The following LAMP1 variants were observed in gnomAD, a reference collection of about 807,000 sequenced individuals.
LAMP1 encodes the protein lysosome-associated membrane glycoprotein 1.
A neutral mutation model predicts 37.5 loss-of-function variants in LAMP1; 7 were observed. The ratio of observed to expected loss-of-function variants is 0.19; its 90% CI spans 0.11 to 0.35. The LOEUF (loss-of-function observed/expected upper bound fraction) is 0.35, where lower values mean the gene tolerates loss of function less well. Among genes scored for constraint, LAMP1 ranks in the 10% least tolerant of loss-of-function variants. LAMP1 has a pLI of 1.00. For missense variants in LAMP1, 537 were observed against 552.8 expected (o/e 0.97, Z 0.29); for synonymous variants, 236 against 229.1 (o/e 1.03, Z -0.27).
intron 1 of LAMP1, among the ~76,000 whole-genome samples, chr13:113,299,693 C>T (rs569167164): frequency 1.3e-5 from 2 of 151,902 alleles, no homozygotes; most frequent in Admixed American, 6.6e-5. Flanking sequence ...CTCAGCCTCC[C>T]TAGTAGCTGG....
chr13:113,298,414 G>A (rs1190301189), intron 1 of LAMP1, among the ~76,000 whole-genome samples: 1 of 83,504 alleles, frequency 1.2e-5, no homozygotes, highest in Non-Finnish European at 2.5e-5. Flanking sequence ...TCCTCCCCCC[G>A]CCGCCCTCCC....
At chr13:113,308,222 G>C (rs1196776915) in intron 2 of LAMP1, among the ~76,000 whole-genome samples, 1 of 151,604 alleles carries the variant, frequency 6.6e-6, no homozygotes, top group African/African-American at 2.4e-5. Context: ...TGCTATGTTG[G>C]CCAGGCTGGT....
At position 113,303,264 on chromosome 13, in the gene LAMP1, G is replaced by A. The variant is rs573809813; in HGVS notation, c.62-3221G>A. Among the ~76,000 whole-genome samples the A allele has an allele frequency of 1.6e-4, 24 of 152,326 alleles. 1 individual carries two copies. The South Asian group carries it at 4.8e-3, about 30-fold the overall frequency. On this transcript the variant is annotated intron_variant, in intron 1 of 8. Coordinates refer to ENST00000332556, the MANE Select transcript of LAMP1 (RefSeq NM_005561.4). ...AAGAACTGAGGGCTGTGACTCAGAA[G>A]CACGCATGCTTCCCACAGCGGCACT... is the stretch of plus-strand genomic sequence containing the variant.
rs539321614 is a variant in LAMP1 at position 113,301,858 on chromosome 13, C to CT, written c.61+4385dup. ...GCCAAGAAAAACTAAGATGTGATTT[C>CT]TTTTTTTTTTTTTTTTTTTTTTGAG... On this transcript the variant is annotated intron_variant, in intron 1 of 8. Transcript: ENST00000332556. Among the ~76,000 whole-genome samples the CT allele has an allele frequency of 1.0e-3, 78 of 74,308 alleles. 7 individuals are homozygous for CT. The highest frequency in any genetic ancestry group is 3.8e-3 in the African/African-American group (75 of 19,560). The allele number at this position is 74,308 out of a possible 152,430, so 48.7% of individuals were successfully genotyped here. A position where few individuals can be genotyped will look rare whatever the true frequency, so the allele number is the denominator to read the frequency against.
chr13:113,307,311 C>G (rs2042605173), intron 2 of LAMP1, among the ~76,000 whole-genome samples: 1 of 151,868 alleles, frequency 6.6e-6, no homozygotes, highest in Non-Finnish European at 1.5e-5. Flanking sequence ...GTGCCCACCA[C>G]CACGCCTGGC....
At chr13:113,312,868 CTACCAA>C (rs2042637865) in intron 4 of LAMP1, among the ~76,000 whole-genome samples, 3 of 152,140 alleles carry the variant, frequency 2.0e-5, no homozygotes, top group Non-Finnish European at 4.4e-5. Flanking sequence ...GCAGTGCTCC[CTACCAA>C]GTGGGAGTTA....
intron 8 of LAMP1, 195 bp from the exon 9 acceptor site, chr13:113,322,087 G>A (rs2042704253): frequency 1.6e-6 from 1 of 626,206 alleles, no homozygotes. Context: ...GGAGAGACGT[G>A]TGTGGTTTCC....
chr13:113,300,679 G>GT (rs1566396320), intron 1 of LAMP1, among the ~76,000 whole-genome samples: 1 of 151,816 alleles, frequency 6.6e-6, no homozygotes, highest in Non-Finnish European at 1.5e-5. Context: ...TTAGCCAGGC[G>GT]TAGTGGCACA....
rs146897967 is a variant in LAMP1 at position 113,307,614 on chromosome 13, T to C, written c.183+1008T>C. Among the ~76,000 whole-genome samples, 55 of 152,282 alleles carry C rather than the reference T, an allele frequency of 3.6e-4. No homozygotes were observed. The East Asian group carries it at 0.01, about 28-fold the overall frequency. On this transcript the variant is annotated intron_variant, in intron 2 of 8. Transcript: ENST00000332556. The stretch of plus-strand genomic sequence containing the variant: ...GTGGCTTTTTTGATTTAGAGAGTTA[T>C]ACTGCAAGAAATGTATATAAATGGT...
chr13:113,320,458 C>T lies in LAMP1; in HGVS notation c.864C>T (p.Phe288=). The T allele has an allele frequency of 6.2e-7, 1 of 1,608,588 alleles. No homozygotes were observed. The highest frequency in any genetic ancestry group is 1.3e-5 in the African/African-American group (1 of 75,048). The part of the protein sequence containing the change: ...LHSEGTTVLL[F]QFGMNASSSR... ...GCGAGGGCACCACCGTCCTGCTCTT[C>T]CAGTTCGGGATGGTGAGGCTGGGGC... is the stretch of plus-strand genomic sequence containing the variant. Residue 288 remains phenylalanine (F), a synonymous_variant, in exon 6 of 9, where the codon TTC becomes TTT. Transcript: ENST00000332556. This position sits in a 1 kb window ranked among gnomAD's most constrained non-coding sequence, Gnocchi z 4.4.
chr13:113,307,957 CAAA>C (rs56212251), intron 2 of LAMP1, among the ~76,000 whole-genome samples: 6 of 59,912 alleles, frequency 1.0e-4, no homozygotes, highest in African/African-American at 3.0e-4. Flanking sequence ...AGACCATCTC[CAAA>C]AAAAAAAAAA....
At chr13:113,311,445 C>G (rs1167926972) in intron 4 of LAMP1, among the ~76,000 whole-genome samples, 1 of 152,194 alleles carries the variant, frequency 6.6e-6, no homozygotes, top group South Asian at 2.1e-4. Flanking sequence ...CAGTTGAAAC[C>G]TTTGTGCTTC....
intron 2 of LAMP1, among the ~76,000 whole-genome samples, chr13:113,307,384 C>T (rs975716067): frequency 6.6e-5 from 10 of 151,150 alleles, no homozygotes; most frequent in African/African-American, 2.4e-4. Flanking sequence ...TCTCAAACTC[C>T]TGACCTCAAG....
chr13:113,310,323 C>T (rs1241311850), intron 3 of LAMP1, among the ~76,000 whole-genome samples: 4 of 151,556 alleles, frequency 2.6e-5, no homozygotes, highest in Admixed American at 6.6e-5. Context: ...GTCAGGAGTT[C>T]GAGACCAGCC....
chr13:113,322,490 A>G lies in LAMP1; in HGVS notation c.*69A>G. 1 of 1,455,724 alleles carries G rather than the reference A, an allele frequency of 6.9e-7. No homozygotes were observed. Among genetic ancestry groups the G allele is most frequent in the Non-Finnish European group, 9.3e-7 (1 of 1,079,604 alleles). The allele number at this position is 1,455,724 out of a possible 1,614,324, so 90.2% of individuals were successfully genotyped here. A position where few individuals can be genotyped will look rare whatever the true frequency, so the allele number is the denominator to read the frequency against. On this transcript the variant is annotated 3_prime_UTR_variant, in exon 9 of 9. Coordinates refer to ENST00000332556, the MANE Select transcript of LAMP1 (RefSeq NM_005561.4). ...TTCTCTGGGCTTAGGGTCCTGTCGA[A>G]GGGGAGGCACACTTTCTGGCAAACG...
chr13:113,303,522 CTTT>C (rs398056906), intron 1 of LAMP1, among the ~76,000 whole-genome samples: 3 of 142,456 alleles, frequency 2.1e-5, no homozygotes, highest in African/African-American at 2.6e-5. Flanking sequence ...GGTTTTTTGT[CTTT>C]TTTTTTTTTT....
Position 113,297,533 on chromosome 13 carries a change from C to T in LAMP1, c.61+38C>T. The T allele has an allele frequency of 1.6e-6, 2 of 1,227,120 alleles. No individual in the cohort carries two copies. The highest frequency in any genetic ancestry group is 3.2e-5 in the East Asian group (1 of 31,242). The allele number at this position is 1,227,120 out of a possible 1,614,324, so 76.0% of individuals were successfully genotyped here. ...AGGCGGGGCCTGGGAGCGGCGGGAC[C>T]GGGCGGAGCCGAGGTCCCTGGGTCT... On this transcript the variant is annotated intron_variant, in intron 1 of 8. Transcript: ENST00000332556. This position sits in a 1 kb window ranked among gnomAD's most constrained non-coding sequence, Gnocchi z 4.4.
chr13:113,310,607 C>A, intron 3 of LAMP1, 102 bp from the exon 4 acceptor site: 2 of 942,420 alleles, frequency 2.1e-6, no homozygotes, highest in South Asian at 2.1e-5. Context: ...ATCTAGAAAT[C>A]AAGACTGGAA....
At chr13:113,299,154 ATTAACT>A (rs2042557572) in intron 1 of LAMP1, among the ~76,000 whole-genome samples, 1 of 152,202 alleles carries the variant, frequency 6.6e-6, no homozygotes, top group African/African-American at 2.4e-5. Context: ...CAAAAAAAAA[ATTAACT>A]TTAAAAATGA....
Sources: gnomAD v4.1 joint callset for allele counts (sites outside exome capture counted in the v4.1 genomes callset) on GRCh38, gnomAD v4.1.1 for gene constraint, Gnocchi (gnomAD v3.1) non-coding constraint, MANE v1.5 for transcripts, NCBI Gene and HGNC (gene_info 2026-07-23, HGNC 2026-07-21) for gene names.